ELF5: variants seen among roughly 807,000 people sequenced by gnomAD.
ELF5 encodes the protein E74 like ETS transcription factor 5, also known as ETS-related transcription factor Elf-5.
ELF5 carries 31 observed loss-of-function variants against 38.2 expected under a neutral mutation model. That is an observed-to-expected ratio of 0.81 (90% CI 0.61 to 1.10). ELF5 has a LOEUF of 1.10. Ranked by LOEUF, ELF5 falls within the 50% of genes least tolerant of loss-of-function variation. The probability of loss-of-function intolerance (pLI) is 0.00; values close to 1 mark genes in which losing one functional copy is unlikely to be tolerated. For synonymous variants in ELF5, 121 were observed against 112.5 expected (o/e 1.08, Z -0.48); for missense variants, 300 against 306.6 (o/e 0.98, Z 0.16).
chr11:34,490,286 GA>G (rs1406708895), intron 3 of ELF5, among the ~76,000 whole-genome samples: 1 of 152,206 alleles, frequency 6.6e-6, no homozygotes, highest in Non-Finnish European at 1.5e-5. Context: ...GGAGCACCCA[GA>G]ACCAGGCTTC....
chr11:34,481,141 G>A lies in ELF5; in HGVS notation c.476-174C>T, dbSNP rs1203014509. On this transcript the variant is annotated intron_variant, in intron 5 of 6. Transcript: ENST00000257832. ...GGGTTCAAGCGATTCTTCTGCCTCA[G>A]CCTCCCAAGTAGCTGGGATTATAGG... is the stretch of plus-strand genomic sequence containing the variant. Among the ~76,000 whole-genome samples the A allele has an allele frequency of 2.0e-5, 3 of 152,014 alleles. No individual in the cohort carries two copies. The East Asian group carries it at 5.8e-4, about 29-fold the overall frequency.
At chr11:34,513,392 G>T (rs772222275) in intron 1 of ELF5, among the ~76,000 whole-genome samples, 1 of 152,264 alleles carries the variant, frequency 6.6e-6, no homozygotes, top group Non-Finnish European at 1.5e-5. Context: ...AGAACTGAGC[G>T]CCTGGGCGCG....
intron 2 of ELF5, among the ~76,000 whole-genome samples, chr11:34,501,841 G>A (rs2133895466): frequency 6.6e-6 from 1 of 152,254 alleles, no homozygotes; most frequent in Non-Finnish European, 1.5e-5. Flanking sequence ...AGAACAGCTG[G>A]TTTTCCTAAA....
intron 3 of ELF5, 173 bp downstream of exon 3, chr11:34,493,306 C>T: frequency 1.5e-6 from 1 of 677,676 alleles, no homozygotes; most frequent in South Asian, 1.9e-5. Context: ...TCCCTTTTCC[C>T]TAAAATCCCC....
chr11:34,480,956 A>G lies in ELF5; in HGVS notation c.487T>C (p.Ser163Pro). The G allele has an allele frequency of 6.2e-7, 1 of 1,609,158 alleles. No individual in the cohort carries two copies. Among genetic ancestry groups the G allele is most frequent in the Non-Finnish European group, 8.5e-7 (1 of 1,178,080 alleles). ...HSHSRTSLQS[S>P]HLWEFVRDLL... The stretch of plus-strand genomic sequence containing the variant: ...TCTCGTACAAATTCCCATAGATGAG[A>G]ACTTTGGAGGCCTTTTGAAAAGGGG... The change falls in exon 6 of 7, where the codon TCT becomes CCT. Residue 163 changes from serine to proline, a missense_variant. Ser to Pro is a moderately conservative substitution (Grantham distance 74). Transcript: ENST00000257832.
intron 5 of ELF5, 27 bp from the exon 6 acceptor site, chr11:34,480,994 A>C (rs767112455): frequency 6.8e-6 from 10 of 1,474,360 alleles, no homozygotes; most frequent in Middle Eastern, 1.8e-4. Context: ...AACATTAACT[A>C]TTTACCATTG....
chr11:34,483,422 G>A (rs543790135), intron 4 of ELF5, among the ~76,000 whole-genome samples: 11 of 152,012 alleles, frequency 7.2e-5, no homozygotes, highest in African/African-American at 2.4e-4. Flanking sequence ...GCACACTGCC[G>A]GGCATATAGT....
intron 2 of ELF5, among the ~76,000 whole-genome samples, chr11:34,502,538 G>C (rs1295710059): frequency 6.6e-6 from 1 of 152,256 alleles, no homozygotes; most frequent in African/African-American, 2.4e-5. Context: ...CTGTGGAGGA[G>C]AGCAGGGGCT....
intron 4 of ELF5, among the ~76,000 whole-genome samples, chr11:34,482,812 C>A (rs1449205836): frequency 6.6e-6 from 1 of 151,978 alleles, no homozygotes; most frequent in Non-Finnish European, 1.5e-5. Flanking sequence ...GAGCAAAGAT[C>A]CTCAATTTAA....
intron 6 of ELF5, among the ~76,000 whole-genome samples, 153 bp from the exon 7 acceptor site, chr11:34,480,467 C>T (rs181031714): frequency 4.8e-4 from 73 of 152,268 alleles, no homozygotes; most frequent in Admixed American, 3.3e-3. Flanking sequence ...TACACTTAAA[C>T]CTTTCCCAGA....
rs1856868502 is a variant in ELF5, at chr11:34,479,248, A to C, written c.*970T>G. 6.6e-6 allele frequency: 1 copy of C among 152,604 alleles called. No homozygotes were observed. The highest frequency in any genetic ancestry group is 6.5e-5 in the Admixed American group (1 of 15,274). 9.5% of individuals were successfully genotyped at this position (152,604 alleles called of 1,614,324 possible). Reference sequence around the variant, plus strand: ...GGTTTTATAAACGTTTAACATCTGGACCTGAGATGGAATCAATGAATTTCG... The same window carrying C: ...GGTTTTATAAACGTTTAACATCTGGCCCTGAGATGGAATCAATGAATTTCG... On this transcript the variant is annotated 3_prime_UTR_variant, in exon 7 of 7. Coordinates refer to ENST00000257832, the MANE Select transcript of ELF5 (RefSeq NM_001422.4).
At chr11:34,483,906 A>G (rs111065587) in intron 4 of ELF5, among the ~76,000 whole-genome samples, 16,596 of 151,782 alleles carry the variant, frequency 0.11, 1,711 homozygotes, top group African/African-American at 0.27. Context: ...AGTGTACTAT[A>G]CTATACTAAC....
At chr11:34,487,716 A>G (rs1850039698) in intron 4 of ELF5, among the ~76,000 whole-genome samples, 1 of 152,024 alleles carries the variant, frequency 6.6e-6, no homozygotes, top group South Asian at 2.1e-4. Flanking sequence ...TGAGTGTTAT[A>G]CAAGTTATTA....
At chr11:34,487,448 C>A (rs1039290804) in intron 4 of ELF5, among the ~76,000 whole-genome samples, 5 of 152,170 alleles carry the variant, frequency 3.3e-5, no homozygotes, top group African/African-American at 4.8e-5. Context: ...TCCAGGCCAC[C>A]ATCATCATCA....
At chr11:34,491,688 T>G (rs761479337) in intron 3 of ELF5, 1 of 151,582 alleles carries the variant, frequency 6.6e-6, no homozygotes, top group Non-Finnish European at 1.5e-5. Context: ...GTGATTCTCA[T>G]GCCTCAGCCT....
At chr11:34,494,321 C>T (rs1850261196) in intron 2 of ELF5, among the ~76,000 whole-genome samples, 1 of 152,210 alleles carries the variant, frequency 6.6e-6, no homozygotes, top group Non-Finnish European at 1.5e-5. Context: ...AGGGCAGCTG[C>T]CCAATGCTGG....
chr11:34,490,757 C>A (rs1298846356), intron 3 of ELF5, among the ~76,000 whole-genome samples: 1 of 152,166 alleles, frequency 6.6e-6, no homozygotes, highest in Non-Finnish European at 1.5e-5. Context: ...TGGTCCAACA[C>A]GAGGACTAAT....
chr11:34,507,529 G>T (rs1850639660), intron 1 of ELF5, among the ~76,000 whole-genome samples: 1 of 152,186 alleles, frequency 6.6e-6, no homozygotes, highest in Admixed American at 6.5e-5. Context: ...TCTGGGGCAG[G>T]GTGTGTGGTT....
intron 1 of ELF5, chr11:34,511,892 T>C: frequency 8.2e-6 from 3 of 365,544 alleles, no homozygotes; most frequent in Non-Finnish European, 1.5e-5. Flanking sequence ...TTGGCCCAAT[T>C]AAGCATCTAC....
Sources: gnomAD v4.1 joint callset for allele counts (sites outside exome capture counted in the v4.1 genomes callset) on GRCh38, gnomAD v4.1.1 for gene constraint, MANE v1.5 for transcripts, NCBI Gene and HGNC (gene_info 2026-07-23, HGNC 2026-07-21) for gene names.